The following PLCXD3 variants were observed in gnomAD, a reference collection of about 807,000 sequenced individuals.
The protein encoded by PLCXD3 is PI-PLC X domain-containing protein 3.
A neutral mutation model predicts 25.5 loss-of-function variants in PLCXD3; 19 were observed. The ratio of observed to expected loss-of-function variants is 0.75; its 90% CI spans 0.52 to 1.09. The LOEUF is 1.09. PLCXD3 is among the 50% of genes least tolerant of loss of function. The pLI, the probability that PLCXD3 is intolerant of heterozygous loss-of-function variation, is 0.00. For synonymous variants in PLCXD3, 174 were observed against 137.6 expected, an observed-to-expected ratio of 1.26 and a Z score of -1.85; for missense variants, 411 against 388.1, an observed-to-expected ratio of 1.06 and a Z score of -0.50.
intron 1 of PLCXD3, among the ~76,000 whole-genome samples, chr5:41,423,194 C>T (rs1262893176): frequency 6.6e-6 from 1 of 151,938 alleles, no homozygotes; most frequent in Admixed American, 6.6e-5. Context: ...TTATTTTTAT[C>T]TTCTCCCAGA....
intron 2 of PLCXD3, among the ~76,000 whole-genome samples, chr5:41,370,064 T>C (rs567276529): frequency 6.6e-6 from 1 of 152,182 alleles, no homozygotes; most frequent in Non-Finnish European, 1.5e-5. Context: ...GTAAGCTTTT[T>C]TGCTCTTAAC....
intron 1 of PLCXD3, among the ~76,000 whole-genome samples, chr5:41,492,914 C>G (rs557232402): frequency 1.4e-3 from 210 of 152,340 alleles, no homozygotes; most frequent in African/African-American, 4.8e-3. Context: ...TCATCTGAAG[C>G]CTTCTTCTCT....
chr5:41,337,886 A>G (rs1269671738), intron 2 of PLCXD3, among the ~76,000 whole-genome samples: 2 of 152,172 alleles, frequency 1.3e-5, no homozygotes, highest in Non-Finnish European at 2.9e-5. Context: ...TCTGAGTTAG[A>G]AGAGTATTTC....
At chr5:41,329,779 T>A (rs1380896881) in intron 2 of PLCXD3, among the ~76,000 whole-genome samples, 2 of 149,742 alleles carry the variant, frequency 1.3e-5, no homozygotes, top group African/African-American at 4.9e-5. Context: ...TTAATTTTTT[T>A]ATATAATCAG....
chr5:41,341,841 T>C (rs1744157482), intron 2 of PLCXD3, among the ~76,000 whole-genome samples: 1 of 152,186 alleles, frequency 6.6e-6, no homozygotes. Flanking sequence ...AGCTTATAAA[T>C]TGTGATGCCA....
At chr5:41,425,456 G>T (rs992969190) in intron 1 of PLCXD3, among the ~76,000 whole-genome samples, 2 of 152,142 alleles carry the variant, frequency 1.3e-5, no homozygotes, top group Non-Finnish European at 2.9e-5. Flanking sequence ...TTTGTTACAA[G>T]TGATGAACCT....
intron 2 of PLCXD3, among the ~76,000 whole-genome samples, chr5:41,339,024 C>T: frequency 6.6e-6 from 1 of 152,070 alleles, no homozygotes; most frequent in East Asian, 1.9e-4. Context: ...TCATGATCAT[C>T]TTTTTCCTGG....
At chr5:41,321,482 A>G (rs1317433514) in intron 2 of PLCXD3, among the ~76,000 whole-genome samples, 1 of 152,188 alleles carries the variant, frequency 6.6e-6, no homozygotes, top group African/African-American at 2.4e-5. Context: ...AAGAATCAAT[A>G]CTGTTAAAGT....
chr5:41,440,215 A>C (rs1430953984), intron 1 of PLCXD3, among the ~76,000 whole-genome samples: 1 of 41,062 alleles, frequency 2.4e-5, no homozygotes, highest in African/African-American at 1.0e-4. Flanking sequence ...TAATCTCTCA[A>C]TTTTTTTTTT....
At chr5:41,469,518 T>C (rs1456661607) in intron 1 of PLCXD3, among the ~76,000 whole-genome samples, 3 of 151,310 alleles carry the variant, frequency 2.0e-5, no homozygotes, top group African/African-American at 7.3e-5. Context: ...TTCTCTCAAG[T>C]GTTTCAATCC....
chr5:41,345,687 C>CAT (rs972392434), intron 2 of PLCXD3, among the ~76,000 whole-genome samples: 1 of 98,328 alleles, frequency 1.0e-5, no homozygotes, highest in African/African-American at 5.6e-5. Flanking sequence ...TATGTGTACA[C>CAT]ACACACACAC....
chr5:41,448,853 A>T (rs1747563900), intron 1 of PLCXD3, among the ~76,000 whole-genome samples: 1 of 152,216 alleles, frequency 6.6e-6, no homozygotes, highest in Admixed American at 6.5e-5. Flanking sequence ...TTAGTATGAC[A>T]TTTATAATCT....
chr5:41,365,349 T>C (rs2150486596), intron 2 of PLCXD3, among the ~76,000 whole-genome samples: 1 of 152,348 alleles, frequency 6.6e-6, no homozygotes, highest in African/African-American at 2.4e-5. Context: ...AGAATATTTC[T>C]GTCCTAAGAT....
intron 1 of PLCXD3, among the ~76,000 whole-genome samples, chr5:41,416,909 A>T (rs938108501): frequency 2.0e-5 from 3 of 152,184 alleles, no homozygotes; most frequent in Non-Finnish European, 4.4e-5. Flanking sequence ...TGCAACCAGG[A>T]ATGAGATACC....
At chr5:41,481,102 TAAAAA>T (rs554092157) in intron 1 of PLCXD3, among the ~76,000 whole-genome samples, 125 of 72,904 alleles carry the variant, frequency 1.7e-3, no homozygotes, top group African/African-American at 6.3e-3. Flanking sequence ...ACCTAATTTG[TAAAAA>T]AAAAAAAAAA....
At chr5:41,374,791 G>GCTGCT (rs1745237253) in intron 2 of PLCXD3, among the ~76,000 whole-genome samples, 1 of 152,102 alleles carries the variant, frequency 6.6e-6, no homozygotes, top group South Asian at 2.1e-4. Context: ...TCCATTGTCA[G>GCTGCT]CTGCTCTGCT....
At chr5:41,340,172 C>T (rs1744099751) in intron 2 of PLCXD3, among the ~76,000 whole-genome samples, 2 of 152,114 alleles carry the variant, frequency 1.3e-5, no homozygotes, top group African/African-American at 4.8e-5. Context: ...TAATCAGGAG[C>T]AGTTTTATTC....
At chr5:41,458,695 G>A (rs763562565) in intron 1 of PLCXD3, among the ~76,000 whole-genome samples, 1 of 151,860 alleles carries the variant, frequency 6.6e-6, no homozygotes, top group Non-Finnish European at 1.5e-5. Flanking sequence ...TTAGCACCTT[G>A]AGGTCACAGA....
At chr5:41,450,558 T>A (rs762310410) in intron 1 of PLCXD3, among the ~76,000 whole-genome samples, 1 of 152,032 alleles carries the variant, frequency 6.6e-6, no homozygotes, top group Non-Finnish European at 1.5e-5. Context: ...AGCTTGAAAG[T>A]TTCCTCCAAG....
Sources: allele counts gnomAD v4.1 joint callset (sites outside exome capture counted in the v4.1 genomes callset), GRCh38; gene constraint gnomAD v4.1.1; transcripts MANE v1.5; gene names NCBI Gene and HGNC (gene_info 2026-07-23, HGNC 2026-07-21).